Variants in DLG2 observed in about 807,000 individuals in gnomAD.
DLG2 encodes disks large homolog 2.
DLG2 carries 45 observed loss-of-function variants against 132.5 expected under a neutral mutation model. The ratio of observed to expected loss-of-function variants is 0.34; its 90% CI spans 0.27 to 0.44. The LOEUF (loss-of-function observed/expected upper bound fraction) is 0.44, where lower values mean the gene tolerates loss of function less well. DLG2 is among the 20% of genes least tolerant of loss of function. The probability of loss-of-function intolerance (pLI) is 1.00; values close to 1 mark genes in which losing one functional copy is unlikely to be tolerated. For synonymous variants in DLG2, 424 were observed against 419.6 expected, an observed-to-expected ratio of 1.01 and a Z score of -0.13; for missense variants, 1,045 against 1,196.9, an observed-to-expected ratio of 0.87 and a Z score of 1.87.
At chr11:85,313,065 T>C (rs1343182043) in intron 3 of DLG2, among the ~76,000 whole-genome samples, 1 of 151,940 alleles carries the variant, frequency 6.6e-6, no homozygotes, top group Non-Finnish European at 1.5e-5. Context: ...CCATACATGA[T>C]GTGTGTCACA....
At chr11:83,906,958 TAA>T (rs1242615596) in intron 15 of DLG2, among the ~76,000 whole-genome samples, 1 of 152,126 alleles carries the variant, frequency 6.6e-6, no homozygotes, top group African/African-American at 2.4e-5. Flanking sequence ...AAAAGTACTA[TAA>T]CAGAGGTACC....
chr11:84,579,571 G>C (rs1460431443), intron 6 of DLG2, among the ~76,000 whole-genome samples: 1 of 152,192 alleles, frequency 6.6e-6, no homozygotes, highest in African/African-American at 2.4e-5. Context: ...CCCGTGTGAG[G>C]ATGTTAAGTA....
At chr11:83,750,519 G>A (rs536025939) in intron 18 of DLG2, among the ~76,000 whole-genome samples, 153 of 152,252 alleles carry the variant, frequency 1.0e-3, no homozygotes, top group Admixed American at 2.3e-3. Flanking sequence ...AAGCAATAGA[G>A]AGAGGCTCTA....
At chr11:83,714,324 G>A (rs890679826) in intron 18 of DLG2, among the ~76,000 whole-genome samples, 1 of 151,988 alleles carries the variant, frequency 6.6e-6, no homozygotes, top group African/African-American at 2.4e-5. Flanking sequence ...GGAAAAGAAG[G>A]AATGGTGGGG....
At chr11:84,668,959 C>A (rs942704568) in intron 6 of DLG2, among the ~76,000 whole-genome samples, 5 of 152,130 alleles carry the variant, frequency 3.3e-5, no homozygotes, top group African/African-American at 9.6e-5. Flanking sequence ...AATAAGCAAA[C>A]AAAATAGACA....
At chr11:85,394,166 A>G (rs1209771422) in intron 3 of DLG2, among the ~76,000 whole-genome samples, 2 of 152,222 alleles carry the variant, frequency 1.3e-5, no homozygotes, top group Non-Finnish European at 2.9e-5. Flanking sequence ...AAACATCTAA[A>G]TAACTATAAG....
At chr11:84,458,018 G>A (rs1229455932) in intron 7 of DLG2, among the ~76,000 whole-genome samples, 3 of 150,798 alleles carry the variant, frequency 2.0e-5, no homozygotes, top group Admixed American at 6.6e-5. Flanking sequence ...GTAAATGATA[G>A]TAAATTGGTA....
chr11:84,562,753 T>C (rs925112274), intron 6 of DLG2, among the ~76,000 whole-genome samples: 19 of 151,816 alleles, frequency 1.3e-4, no homozygotes, highest in East Asian at 3.9e-4. Flanking sequence ...TTCTTTCTTT[T>C]TTTTTTTTTC....
chr11:84,395,478 G>A (rs945692219), intron 7 of DLG2, among the ~76,000 whole-genome samples: 1 of 151,994 alleles, frequency 6.6e-6, no homozygotes, highest in Middle Eastern at 3.2e-3. Context: ...GTGCAGTGTT[G>A]TGATCTCGGC....
intron 8 of DLG2, among the ~76,000 whole-genome samples, chr11:84,241,563 A>G (rs1412135763): frequency 1.3e-5 from 2 of 152,152 alleles, no homozygotes; most frequent in African/African-American, 4.8e-5. Flanking sequence ...TAGACTAGGA[A>G]ACAATGTGTT....
chr11:85,197,078 G>T (rs1292538702), intron 4 of DLG2, among the ~76,000 whole-genome samples: 1 of 152,164 alleles, frequency 6.6e-6, no homozygotes, highest in Non-Finnish European at 1.5e-5. Context: ...GTTTTAAAAT[G>T]GCTTGTGAAA....
intron 6 of DLG2, among the ~76,000 whole-genome samples, chr11:84,966,179 CTAT>C (rs2053302913): frequency 2.0e-5 from 3 of 151,892 alleles, no homozygotes; most frequent in African/African-American, 7.3e-5. Flanking sequence ...GTAGATCTAT[CTAT>C]CTATCTACCA....
chr11:85,130,721 T>C (rs1285224101), intron 5 of DLG2, among the ~76,000 whole-genome samples: 1 of 152,154 alleles, frequency 6.6e-6, no homozygotes, highest in Non-Finnish European at 1.5e-5. Flanking sequence ...TAATTAAAAT[T>C]TCCAAATTGT....
At chr11:84,395,634 A>G (rs953073393) in intron 7 of DLG2, among the ~76,000 whole-genome samples, 1 of 152,144 alleles carries the variant, frequency 6.6e-6, no homozygotes, top group African/African-American at 2.4e-5. Context: ...CCCAGGCTAG[A>G]GGTTTCTGCC....
chr11:83,715,905 G>A (rs1435996950), intron 18 of DLG2, among the ~76,000 whole-genome samples: 1 of 152,112 alleles, frequency 6.6e-6, no homozygotes, highest in Non-Finnish European at 1.5e-5. Context: ...TCTTCTTCCA[G>A]GAGGCCTTTT....
intron 7 of DLG2, among the ~76,000 whole-genome samples, chr11:84,498,011 G>C (rs1211717496): frequency 6.6e-6 from 1 of 152,128 alleles, no homozygotes; most frequent in African/African-American, 2.4e-5. Flanking sequence ...ACATGAAAGG[G>C]CAATAATTTT....
At chr11:85,060,461 GTGTGTGTATATA>G (rs1189203076) in intron 6 of DLG2, among the ~76,000 whole-genome samples, 2 of 150,232 alleles carry the variant, frequency 1.3e-5, no homozygotes, top group Non-Finnish European at 3.0e-5. Flanking sequence ...GCATATGTGT[GTGTGTGTATATA>G]TATGTGTATA....
chr11:85,281,614 T>G (rs939701659), intron 4 of DLG2, among the ~76,000 whole-genome samples: 1 of 151,972 alleles, frequency 6.6e-6, no homozygotes, highest in Non-Finnish European at 1.5e-5. Context: ...CATAGTAAAA[T>G]CTTTCCAATA....
chr11:83,795,589 G>A (rs573304622), intron 17 of DLG2, among the ~76,000 whole-genome samples: 1 of 152,160 alleles, frequency 6.6e-6, no homozygotes, highest in South Asian at 2.1e-4. Flanking sequence ...TGTTGCTGCT[G>A]CTGTTTTTCA....
Sources: gnomAD v4.1 joint callset for allele counts (sites outside exome capture counted in the v4.1 genomes callset) on GRCh38, gnomAD v4.1.1 for gene constraint, MANE v1.5 for transcripts, NCBI Gene and HGNC (gene_info 2026-07-23, HGNC 2026-07-21) for gene names.